Variants in SRGAP3 observed in about 807,000 individuals in gnomAD.
SRGAP3 encodes SLIT-ROBO Rho GTPase activating protein 3.
SRGAP3 carries 39 observed loss-of-function variants against 121.1 expected under a neutral mutation model. The ratio of observed to expected loss-of-function variants is 0.32; its 90% CI spans 0.25 to 0.42. SRGAP3 has a LOEUF of 0.42. SRGAP3 is among the 10% of genes least tolerant of loss of function. The pLI, the probability that SRGAP3 is intolerant of heterozygous loss-of-function variation, is 1.00. For synonymous variants in SRGAP3, 601 were observed against 570.0 expected (o/e 1.05, Z -0.77); for missense variants, 1,213 against 1,470.6 (o/e 0.82, Z 2.86).
At chr3:9,357,997 C>T (rs1207107000) in intron 1 of SRGAP3, among the ~76,000 whole-genome samples, 1 of 152,032 alleles carries the variant, frequency 6.6e-6, no homozygotes, top group Non-Finnish European at 1.5e-5. Flanking sequence ...GCCTCAGCCA[C>T]TCGAGTAGCT....
At chr3:9,178,061 A>G (rs1404578915) in intron 1 of SRGAP3, among the ~76,000 whole-genome samples, 31 of 152,108 alleles carry the variant, frequency 2.0e-4, no homozygotes, top group Admixed American at 2.0e-3. Flanking sequence ...TGAGCCCAGG[A>G]GTTCGAGATC....
intron 1 of SRGAP3, among the ~76,000 whole-genome samples, chr3:9,173,384 T>C (rs1951058637): frequency 6.6e-6 from 1 of 152,220 alleles, no homozygotes; most frequent in Non-Finnish European, 1.5e-5. Context: ...GGAGAGTATC[T>C]GTTTGAGAGT....
At chr3:9,173,660 T>C (rs1951067716) in intron 1 of SRGAP3, among the ~76,000 whole-genome samples, 1 of 152,024 alleles carries the variant, frequency 6.6e-6, no homozygotes, top group Non-Finnish European at 1.5e-5. Flanking sequence ...GCTTCACACA[T>C]GTTGTTACTT....
At chr3:9,125,196 C>T (rs1394529676) in intron 1 of SRGAP3, among the ~76,000 whole-genome samples, 1 of 152,198 alleles carries the variant, frequency 6.6e-6, no homozygotes, top group African/African-American at 2.4e-5. Context: ...AGGCCCCAAG[C>T]ATTCTTATTT....
At chr3:9,362,394 C>A (rs2030932205) in intron 1 of SRGAP3, among the ~76,000 whole-genome samples, 2 of 150,516 alleles carry the variant, frequency 1.3e-5, no homozygotes, top group African/African-American at 4.8e-5. Context: ...AAACTCCTGA[C>A]CTCAAGTGAT....
intron 3 of SRGAP3, among the ~76,000 whole-genome samples, chr3:9,321,975 AAATAAT>A (rs1358303634): frequency 1.3e-5 from 2 of 150,972 alleles, no homozygotes; most frequent in Non-Finnish European, 2.9e-5. Context: ...ACAACTTAAA[AAATAAT>A]AATAATAATA....
intron 2 of SRGAP3, among the ~76,000 whole-genome samples, chr3:9,329,083 T>A (rs1467016769): frequency 6.6e-6 from 1 of 152,082 alleles, no homozygotes; most frequent in African/African-American, 2.4e-5. Context: ...GTTTATGGGG[T>A]CCTAACCCCA....
At chr3:9,033,051 T>C (rs1331191089) in intron 11 of SRGAP3, among the ~76,000 whole-genome samples, 1 of 152,240 alleles carries the variant, frequency 6.6e-6, no homozygotes, top group African/African-American at 2.4e-5. Context: ...TCAGAGGCTG[T>C]CATCCTGCAA....
chr3:9,279,172 C>T (rs1419430394), intron 3 of SRGAP3, among the ~76,000 whole-genome samples: 1 of 152,150 alleles, frequency 6.6e-6, no homozygotes, highest in African/African-American at 2.4e-5. Context: ...CTTCTTTCTC[C>T]TAGCAAAAGT....
At chr3:9,298,658 G>A (rs1688546376) in intron 3 of SRGAP3, among the ~76,000 whole-genome samples, 1 of 152,196 alleles carries the variant, frequency 6.6e-6, no homozygotes, top group Non-Finnish European at 1.5e-5. Context: ...AAGAAGGCCT[G>A]GCAGCTTGAG....
chr3:9,178,065 C>G (rs1469056061), intron 1 of SRGAP3, among the ~76,000 whole-genome samples: 1 of 152,000 alleles, frequency 6.6e-6, no homozygotes, highest in African/African-American at 2.4e-5. Context: ...CCCAGGAGTT[C>G]GAGATCAGCC....
At chr3:9,047,005 T>A (rs561874678) in intron 10 of SRGAP3, among the ~76,000 whole-genome samples, 2 of 152,136 alleles carry the variant, frequency 1.3e-5, no homozygotes, top group South Asian at 4.2e-4. Context: ...TAATTTTTTG[T>A]ATTTTTTTAG....
intron 3 of SRGAP3, among the ~76,000 whole-genome samples, chr3:9,274,735 G>A (rs1426316102): frequency 6.6e-6 from 1 of 152,186 alleles, no homozygotes; most frequent in East Asian, 1.9e-4. Flanking sequence ...CAATGGGAAG[G>A]GGAGCTGAAA....
intron 14 of SRGAP3, among the ~76,000 whole-genome samples, chr3:9,023,982 C>T (rs1944056140): frequency 6.6e-6 from 1 of 152,162 alleles, no homozygotes. Flanking sequence ...GCTTCCTCCA[C>T]CGCAGGATGG....
intron 4 of SRGAP3, among the ~76,000 whole-genome samples, chr3:9,075,668 G>GACC (rs747489401): frequency 2.8e-4 from 42 of 152,180 alleles, no homozygotes; most frequent in Non-Finnish European, 5.4e-4. Flanking sequence ...CCCCGGAACA[G>GACC]ACCACCACCA....
chr3:9,031,753 G>A (rs906663), intron 12 of SRGAP3, among the ~76,000 whole-genome samples: 74,929 of 152,056 alleles, frequency 0.49, 18,664 homozygotes, highest in East Asian at 0.68. Flanking sequence ...GCAAAGCCCA[G>A]GAGCCTTTGT....
intron 1 of SRGAP3, among the ~76,000 whole-genome samples, chr3:9,147,162 A>C (rs941671874): frequency 1.3e-5 from 2 of 152,240 alleles, no homozygotes; most frequent in African/African-American, 2.4e-5. Context: ...GCCCAAGGAC[A>C]CACCCCCATT....
chr3:9,172,964 A>G (rs1951038434), intron 1 of SRGAP3, among the ~76,000 whole-genome samples: 1 of 152,222 alleles, frequency 6.6e-6, no homozygotes, highest in Non-Finnish European at 1.5e-5. Context: ...AAGTAAACAG[A>G]AACAGTCATG....
chr3:9,183,509 G>A (rs1015442380), intron 1 of SRGAP3, among the ~76,000 whole-genome samples: 3 of 152,058 alleles, frequency 2.0e-5, no homozygotes, highest in Non-Finnish European at 2.9e-5. Flanking sequence ...AATTATGTAC[G>A]TATAAAACAT....
Sources: gnomAD v4.1 joint callset for allele counts (sites outside exome capture counted in the v4.1 genomes callset) on GRCh38, gnomAD v4.1.1 for gene constraint, MANE v1.5 for transcripts, NCBI Gene and HGNC (gene_info 2026-07-23, HGNC 2026-07-21) for gene names.